Variants in ADAMTS3 observed in about 807,000 individuals in gnomAD.
ADAMTS3 encodes the protein A disintegrin and metalloproteinase with thrombospondin motifs 3.
A neutral mutation model predicts 129.0 loss-of-function variants in ADAMTS3; 73 were observed. The observed-to-expected ratio is 0.57, with a 90% confidence interval of 0.47 to 0.69. ADAMTS3 has a LOEUF of 0.69. Ranked by LOEUF, ADAMTS3 falls within the 30% of genes least tolerant of loss-of-function variation. The probability of loss-of-function intolerance (pLI) is 0.00; values close to 1 mark genes in which losing one functional copy is unlikely to be tolerated. For synonymous variants in ADAMTS3, 477 were observed against 510.8 expected, an observed-to-expected ratio of 0.93 and a Z score of 0.89; for missense variants, 1,457 against 1,514.5, an observed-to-expected ratio of 0.96 and a Z score of 0.63.
At chr4:72,350,173 T>C (rs902362767) in intron 4 of ADAMTS3, among the ~76,000 whole-genome samples, 30 of 152,036 alleles carry the variant, frequency 2.0e-4, no homozygotes, top group African/African-American at 5.6e-4. Flanking sequence ...TATTTGCCAA[T>C]ATAAAACTAT....
chr4:72,367,707 G>A (rs1049879744), intron 4 of ADAMTS3, among the ~76,000 whole-genome samples: 47 of 152,038 alleles, frequency 3.1e-4, no homozygotes, highest in African/African-American at 9.2e-4. Flanking sequence ...AAGATTAGCC[G>A]GGCGTGGCGG....
rs1011015674 is a variant in ADAMTS3 at position 72,358,275 on chromosome 4, C to G, written c.662-18582G>C. On this transcript the variant is annotated intron_variant, in intron 4 of 21. Transcript: ENST00000286657. ...TACTTTATAGATCTTTAAATAAAAC[C>G]AGCTGTCATTCCAGCTATCCTTAAG... Among the ~76,000 whole-genome samples, 13 of 151,988 alleles carry G rather than the reference C, an allele frequency of 8.6e-5. No individual in the cohort carries two copies. In the East Asian group the frequency reaches 2.5e-3, roughly 29 times the overall value.
chr4:72,469,176 C>A (rs1481419543), intron 3 of ADAMTS3, among the ~76,000 whole-genome samples: 2 of 152,172 alleles, frequency 1.3e-5, no homozygotes, highest in East Asian at 3.9e-4. Context: ...TGACTATACA[C>A]GTGTATATTC....
At chr4:72,297,238 A>G (rs971391184) in intron 18 of ADAMTS3, among the ~76,000 whole-genome samples, 1 of 152,126 alleles carries the variant, frequency 6.6e-6, no homozygotes, top group African/African-American at 2.4e-5. Context: ...AGTCTGGTGA[A>G]GAAGGAATAG....
At chr4:72,330,646 T>C (rs1240512606) in intron 5 of ADAMTS3, 1 of 152,232 alleles carries the variant, frequency 6.6e-6, no homozygotes, top group African/African-American at 2.4e-5. Flanking sequence ...TGAAAACTTT[T>C]GCAAATATTT....
intron 4 of ADAMTS3, among the ~76,000 whole-genome samples, chr4:72,396,944 C>A (rs1342982790): frequency 6.6e-6 from 1 of 152,050 alleles, no homozygotes; most frequent in Non-Finnish European, 1.5e-5. Context: ...GTTAAAGCAG[C>A]CCCCATAAAA....
chr4:72,533,724 A>T (rs948512310), intron 3 of ADAMTS3, among the ~76,000 whole-genome samples: 1 of 86,408 alleles, frequency 1.2e-5, no homozygotes, highest in Non-Finnish European at 2.7e-5. Flanking sequence ...TTATTTCCAC[A>T]TCTCATTAGG....
chr4:72,499,272 C>A (rs562037420), intron 3 of ADAMTS3, among the ~76,000 whole-genome samples: 1 of 152,238 alleles, frequency 6.6e-6, no homozygotes, highest in African/African-American at 2.4e-5. Context: ...AAAATCTATT[C>A]ACAAAAGTAA....
chr4:72,343,768 A>G (rs966680112), intron 4 of ADAMTS3, among the ~76,000 whole-genome samples: 9 of 152,160 alleles, frequency 5.9e-5, no homozygotes, highest in Non-Finnish European at 1.0e-4. Context: ...AGGAAAAAAA[A>G]GGCCCTGCAA....
At chr4:72,451,834 C>T (rs1994046) in intron 3 of ADAMTS3, among the ~76,000 whole-genome samples, 94,984 of 151,578 alleles carry the variant, frequency 0.63, 30,354 homozygotes, top group South Asian at 0.8. Flanking sequence ...CAGTGGCTCA[C>T]GCCTGTAATT....
intron 2 of ADAMTS3, among the ~76,000 whole-genome samples, chr4:72,550,204 A>C (rs1560564401): frequency 1.3e-5 from 2 of 151,918 alleles, no homozygotes; most frequent in Admixed American, 6.6e-5. Flanking sequence ...TAGTGTGTTA[A>C]AGTGCCCTAA....
chr4:72,381,552 T>C (rs2109879712), intron 4 of ADAMTS3, among the ~76,000 whole-genome samples: 1 of 152,268 alleles, frequency 6.6e-6, no homozygotes, highest in African/African-American at 2.4e-5. Context: ...TCAACTTCTC[T>C]CTCAACTGAC....
At chr4:72,372,696 T>G (rs898239068) in intron 4 of ADAMTS3, among the ~76,000 whole-genome samples, 1 of 151,966 alleles carries the variant, frequency 6.6e-6, no homozygotes, top group African/African-American at 2.4e-5. Context: ...TTTAAAAAAA[T>G]ATAATTCACA....
chr4:72,556,849 G>T (rs1231359916), intron 2 of ADAMTS3, among the ~76,000 whole-genome samples: 2 of 151,694 alleles, frequency 1.3e-5, no homozygotes, highest in East Asian at 3.9e-4. Flanking sequence ...TCTAACTAGA[G>T]CTATAGAAAA....
chr4:72,305,879 C>T lies in ADAMTS3; in HGVS notation c.2260+108G>A, dbSNP rs771731988. On this transcript the variant is annotated intron_variant, in intron 16 of 21. Coordinates refer to ENST00000286657, the MANE Select transcript of ADAMTS3 (RefSeq NM_014243.3). ...ACGTATGCACATGTATGTACATATA[C>T]GTATGCACATATATGTGTACATATA... The T allele has an allele frequency of 6.9e-4, 615 of 891,906 alleles. 1 individual carries two copies. Among genetic ancestry groups the T allele is most frequent in the Middle Eastern group, 4.9e-3 (18 of 3,654 alleles). 55.2% of individuals were successfully genotyped at this position (891,906 alleles called of 1,614,324 possible).
rs1560563879 is a variant in ADAMTS3 at position 72,549,991 on chromosome 4, AG to A, written c.98-1108del. 2.9e-4 allele frequency among the ~76,000 whole-genome samples: 7 copies of A among 24,284 alleles called. 1 individual carries two copies. Among genetic ancestry groups the A allele is most frequent in the East Asian group, 3.7e-3 (2 of 534 alleles). The allele number at this position is 24,284 out of a possible 152,430, so 15.9% of individuals were successfully genotyped here. On this transcript the variant is annotated intron_variant, in intron 2 of 21. Coordinates refer to ENST00000286657, the MANE Select transcript of ADAMTS3 (RefSeq NM_014243.3). The stretch of plus-strand genomic sequence containing the variant: ...AAGAAGAAGAAGAAGAAGAAGAAGA[AG>A]AGGAAGAGGAAGAAGAAGAAGAAGA...
At chr4:72,557,688 A>C (rs1249307509) in intron 2 of ADAMTS3, among the ~76,000 whole-genome samples, 1 of 151,842 alleles carries the variant, frequency 6.6e-6, no homozygotes, top group Admixed American at 6.6e-5. Context: ...TATGTTCAAA[A>C]AAGCCATTTA....
chr4:72,488,977 C>A (rs1220908847), intron 3 of ADAMTS3, among the ~76,000 whole-genome samples: 1 of 151,902 alleles, frequency 6.6e-6, no homozygotes. Flanking sequence ...TTCTACTCTC[C>A]ATTTCTATAA....
intron 2 of ADAMTS3, among the ~76,000 whole-genome samples, chr4:72,559,019 G>C (rs894530287): frequency 1.3e-5 from 2 of 151,236 alleles, no homozygotes; most frequent in Non-Finnish European, 2.9e-5. Context: ...AGGTGTAGGG[G>C]GAGGTGAACC....
Sources: gnomAD v4.1 joint callset for allele counts (sites outside exome capture counted in the v4.1 genomes callset) on GRCh38, gnomAD v4.1.1 for gene constraint, MANE v1.5 for transcripts, NCBI Gene and HGNC (gene_info 2026-07-23, HGNC 2026-07-21) for gene names.